Variants in TET2 observed in about 807,000 individuals in gnomAD.
TET2 encodes tet methylcytosine dioxygenase 2.
TET2 carries 299 observed loss-of-function variants against 142.9 expected under a neutral mutation model. That is an observed-to-expected ratio of 2.09 (90% CI 1.90 to 2.30). The LOEUF (loss-of-function observed/expected upper bound fraction) is 2.30. Among genes scored for constraint, TET2 ranks in the 30% most tolerant of loss-of-function variants. The probability of loss-of-function intolerance (pLI) is 0.00; values close to 1 mark genes in which losing one functional copy is unlikely to be tolerated. For missense variants in TET2, 2,418 were observed against 2,378.0 expected (o/e 1.02, Z -0.35); for synonymous variants, 819 against 849.0 (o/e 0.96, Z 0.61).
intron 2 of TET2, among the ~76,000 whole-genome samples, chr4:105,194,214 C>A (rs930188183): frequency 1.3e-5 from 2 of 152,100 alleles, no homozygotes; most frequent in Non-Finnish European, 2.9e-5. Flanking sequence ...TGTTAGCACT[C>A]TCTTGTAGCC....
intron 2 of TET2, among the ~76,000 whole-genome samples, chr4:105,211,255 G>C (rs1293072201): frequency 6.6e-6 from 1 of 152,124 alleles, no homozygotes; most frequent in Non-Finnish European, 1.5e-5. Flanking sequence ...AAATAGTCCT[G>C]TTTTAGTCCT....
At chr4:105,148,829 AGAAG>A (rs1246223437) in intron 1 of TET2, among the ~76,000 whole-genome samples, 1 of 152,256 alleles carries the variant, frequency 6.6e-6, no homozygotes, top group Non-Finnish European at 1.5e-5. Flanking sequence ...AAAAATGGAT[AGAAG>A]GAAAAACACA....
chr4:105,234,746 G>T lies in TET2; in HGVS notation c.804G>T (p.Ser268=), dbSNP rs374509999. 1.9e-6 allele frequency: 3 copies of T among 1,613,826 alleles called. No individual in the cohort carries two copies. The highest frequency in any genetic ancestry group is 4.5e-5 in the East Asian group (2 of 44,824). The change falls in exon 3 of 11, where the codon TCG becomes TCT. Residue 268 remains serine (S), a synonymous_variant. Transcript: ENST00000380013. ...TGTCCTGTGAGATCACTCACCCATC[G>T]CATACCTCAGGGCAGATCAATTCCG... ...NELSCEITHP[S]HTSGQINSAQ...
chr4:105,272,855 GA>G lies in TET2; in HGVS notation c.4478del (p.Lys1493SerfsTer78), dbSNP rs2110307279. The G allele has an allele frequency of 6.4e-7, 1 of 1,551,108 alleles. No homozygotes were observed. The highest frequency in any genetic ancestry group is 8.7e-7 in the Non-Finnish European group (1 of 1,146,862). On this transcript the variant is annotated frameshift_variant, in exon 10 of 11. Coordinates refer to ENST00000380013, the MANE Select transcript of TET2 (RefSeq NM_001127208.3). LOFTEE classifies it high-confidence loss of function. ...LENSSNKNEK[E>X]KSAPSRTKQT... Reference sequence around the variant, plus strand: ...GAACAGCTCAAATAAAAATGAAAAGGAAAAGTCAGCCCCATCACGTACAAAA... The same window carrying G: ...GAACAGCTCAAATAAAAATGAAAAGGAAAGTCAGCCCCATCACGTACAAAA...
chr4:105,206,185 G>A (rs990621524), intron 2 of TET2, among the ~76,000 whole-genome samples: 2 of 152,178 alleles, frequency 1.3e-5, no homozygotes, highest in South Asian at 2.1e-4. Flanking sequence ...CATGAGTGAC[G>A]CCAGGGTCCT....
rs2110230143 is a variant in TET2 at position 105,235,787 on chromosome 4, C to T, written c.1845C>T (p.Leu615=). ...GAAATTCCAACATGCCTGGGGGGCTCCCAAGGCAAGCTTACACCCAGAAAA... is the reference window on the plus strand; with the variant it reads ...GAAATTCCAACATGCCTGGGGGGCTTCCAAGGCAAGCTTACACCCAGAAAA... ...YTGNSNMPGG[L]PRQAYTQKTT... is the part of the protein sequence containing the mutation. The change falls in exon 3 of 11, where the codon CTC becomes CTT. Residue 615 remains leucine, a synonymous_variant. Coordinates refer to ENST00000380013, the MANE Select transcript of TET2 (RefSeq NM_001127208.3). The T allele has an allele frequency of 1.9e-6, 3 of 1,614,092 alleles. No individual in the cohort carries two copies. The South Asian group carries it at 3.3e-5, about 18-fold the overall frequency.
chr4:105,241,459 A>G, intron 4 of TET2, 30 bp downstream of exon 4: 1 of 1,532,370 alleles, frequency 6.5e-7, no homozygotes. Context: ...AGGGCAGATT[A>G]ACGTTTATCC....
chr4:105,230,412 A>G (rs187269521), intron 2 of TET2, among the ~76,000 whole-genome samples: 1 of 152,334 alleles, frequency 6.6e-6, no homozygotes, highest in East Asian at 1.9e-4. Flanking sequence ...CCAAATTGTC[A>G]TCCTACATGA....
At chr4:105,160,400 T>A (rs1282338213) in intron 1 of TET2, among the ~76,000 whole-genome samples, 1 of 152,246 alleles carries the variant, frequency 6.6e-6, no homozygotes, top group Non-Finnish European at 1.5e-5. Flanking sequence ...ACTGGTGCTA[T>A]GTATTAGCTG....
At chr4:105,148,848 T>C (rs559351979) in intron 1 of TET2, among the ~76,000 whole-genome samples, 1 of 152,308 alleles carries the variant, frequency 6.6e-6, no homozygotes, top group South Asian at 2.1e-4. Flanking sequence ...AACACAATAA[T>C]AGATATTTCT....
intron 8 of TET2, among the ~76,000 whole-genome samples, chr4:105,268,677 C>G (rs956009045): frequency 6.6e-6 from 1 of 152,172 alleles, no homozygotes; most frequent in Non-Finnish European, 1.5e-5. Flanking sequence ...TCTGTCAAGA[C>G]AGTTTGATAT....
chr4:105,253,764 G>A (rs1032948700), intron 6 of TET2, among the ~76,000 whole-genome samples: 2 of 151,898 alleles, frequency 1.3e-5, no homozygotes, highest in Non-Finnish European at 1.5e-5. Context: ...CTATGGTTTT[G>A]TAGATATTCT....
At chr4:105,159,930 G>A (rs768130364) in intron 1 of TET2, among the ~76,000 whole-genome samples, 1 of 152,118 alleles carries the variant, frequency 6.6e-6, no homozygotes, top group East Asian at 1.9e-4. Flanking sequence ...CTTGACCCCG[G>A]GAGGCGGAGG....
intron 6 of TET2, among the ~76,000 whole-genome samples, chr4:105,246,784 T>TA (rs1380044029): frequency 1.3e-5 from 2 of 152,246 alleles, no homozygotes; most frequent in African/African-American, 4.8e-5. Context: ...ACTGAGTTCT[T>TA]ACAAATCCCT....
chr4:105,251,945 T>C (rs138527461), intron 6 of TET2, among the ~76,000 whole-genome samples: 3 of 152,352 alleles, frequency 2.0e-5, no homozygotes, highest in Admixed American at 2.0e-4. Flanking sequence ...CTTAAGTACA[T>C]GCTGCCCCTG....
intron 1 of TET2, among the ~76,000 whole-genome samples, chr4:105,180,436 A>G (rs769456501): frequency 1.3e-5 from 2 of 152,068 alleles, no homozygotes; most frequent in African/African-American, 2.4e-5. Flanking sequence ...TAAAATATAT[A>G]CAATTGTGTT....
intron 6 of TET2, among the ~76,000 whole-genome samples, chr4:105,252,029 T>C (rs142668974): frequency 7.9e-5 from 12 of 152,306 alleles, no homozygotes; most frequent in Middle Eastern, 3.4e-3. Context: ...TGAACCTGCA[T>C]TGACAATTGT....
chr4:105,271,208 T>G (rs2110303706), intron 9 of TET2, among the ~76,000 whole-genome samples: 1 of 152,296 alleles, frequency 6.6e-6, no homozygotes, highest in East Asian at 1.9e-4. Flanking sequence ...TAGCCGTAGG[T>G]TCTGGTTTCC....
intron 1 of TET2, among the ~76,000 whole-genome samples, chr4:105,178,431 G>A (rs979141786): frequency 1.3e-5 from 2 of 152,346 alleles, no homozygotes; most frequent in Admixed American, 1.3e-4. Context: ...TTTCCAGAGG[G>A]AGGAATGTAT....
Sources: allele counts gnomAD v4.1 joint callset (sites outside exome capture counted in the v4.1 genomes callset), GRCh38; gene constraint gnomAD v4.1.1; transcripts MANE v1.5; gene names NCBI Gene and HGNC (gene_info 2026-07-23, HGNC 2026-07-21).